Variants in LTBP2 observed in about 807,000 individuals in gnomAD.
LTBP2 encodes the protein latent transforming growth factor beta binding protein 2.
In LTBP2, 103 loss-of-function variants were observed where a neutral mutation model predicts 210.6. The observed-to-expected ratio is 0.49, with a 90% CI of 0.42 to 0.58. LTBP2 has a LOEUF of 0.58. Ranked by LOEUF, LTBP2 falls within the 20% of genes least tolerant of loss-of-function variation. The pLI is 0.00. For synonymous variants in LTBP2, 1,007 were observed against 1,015.0 expected (o/e 0.99, Z 0.15); for missense variants, 2,313 against 2,494.5 (o/e 0.93, Z 1.55).
chr14:74,565,157 T>C (rs1273562276), intron 3 of LTBP2, among the ~76,000 whole-genome samples: 5 of 152,206 alleles, frequency 3.3e-5, no homozygotes, highest in Non-Finnish European at 7.3e-5. Flanking sequence ...TTACAGGCCA[T>C]GCACTGACCC....
At chr14:74,536,451 GA>G (rs2087422961) in intron 8 of LTBP2, among the ~76,000 whole-genome samples, 1 of 152,200 alleles carries the variant, frequency 6.6e-6, no homozygotes, top group African/African-American at 2.4e-5. Flanking sequence ...AAATTGCTAA[GA>G]GAGTAGATTT....
chr14:74,519,354 C>T (rs936107542), intron 17 of LTBP2, among the ~76,000 whole-genome samples: 3 of 152,136 alleles, frequency 2.0e-5, no homozygotes, highest in African/African-American at 7.2e-5. Context: ...AAAGCAGCAA[C>T]CACCATTGGA....
intron 3 of LTBP2, among the ~76,000 whole-genome samples, chr14:74,565,990 G>A (rs954249509): frequency 6.6e-6 from 1 of 151,988 alleles, no homozygotes; most frequent in Non-Finnish European, 1.5e-5. Context: ...TAATATTAAC[G>A]GAAAAATGTG....
chr14:74,539,981 G>A (rs899587847), intron 8 of LTBP2, among the ~76,000 whole-genome samples: 8 of 152,154 alleles, frequency 5.3e-5, no homozygotes, highest in South Asian at 2.1e-4. Flanking sequence ...AGTGTGTTGC[G>A]TGGGCAATTC....
chr14:74,540,820 AT>A (rs1176431985), intron 8 of LTBP2, among the ~76,000 whole-genome samples: 2 of 19,518 alleles, frequency 1.0e-4, no homozygotes, highest in East Asian at 5.7e-4. Flanking sequence ...ATATATATAT[AT>A]TTTTATATAA....
intron 28 of LTBP2, among the ~76,000 whole-genome samples, chr14:74,505,401 G>A (rs909686787): frequency 6.6e-5 from 10 of 152,174 alleles, no homozygotes; most frequent in African/African-American, 2.2e-4. Context: ...ACTGCTGTGC[G>A]ATTAAGCTAT....
At chr14:74,592,228 G>A (rs1234581638) in intron 2 of LTBP2, among the ~76,000 whole-genome samples, 1 of 152,218 alleles carries the variant, frequency 6.6e-6, no homozygotes, top group African/African-American at 2.4e-5. Context: ...ATTGCTTAGA[G>A]CAAAGAAGGA....
chr14:74,513,749 G>A (rs1420093225), intron 18 of LTBP2, among the ~76,000 whole-genome samples: 5 of 152,216 alleles, frequency 3.3e-5, no homozygotes, highest in African/African-American at 9.6e-5. Context: ...AGGTTGCAGT[G>A]AGCCAAGATC....
chr14:74,567,440 C>T (rs949615342), intron 3 of LTBP2, among the ~76,000 whole-genome samples: 1 of 152,200 alleles, frequency 6.6e-6, no homozygotes, highest in Non-Finnish European at 1.5e-5. Flanking sequence ...ACTGGGCTCA[C>T]ACCCGGGCCA....
At position 74,499,614 on chromosome 14, in the gene LTBP2, A is replaced by G. The variant is rs768532960; in HGVS notation, c.*1270T>C. The G allele has an allele frequency of 3.1e-5, 7 of 227,692 alleles. No individual in the cohort carries two copies. Among genetic ancestry groups the G allele is most frequent in the African/African-American group, 8.9e-5 (4 of 44,992 alleles). The allele number at this position is 227,692 out of a possible 1,614,324, so 14.1% of individuals were successfully genotyped here. A position where few individuals can be genotyped will look rare whatever the true frequency, so the allele number is the denominator to read the frequency against. On this transcript the variant is annotated 3_prime_UTR_variant, in exon 36 of 36. Coordinates refer to ENST00000261978, the MANE Select transcript of LTBP2 (RefSeq NM_000428.3). ...AGAGCTTTCCTTGTCTTTTAATAGT[A>G]AAGAGTCATTTCCCATTGGAACCCA...
intron 8 of LTBP2, among the ~76,000 whole-genome samples, chr14:74,538,756 A>C (rs887204654): frequency 6.6e-6 from 1 of 152,256 alleles, no homozygotes; most frequent in Non-Finnish European, 1.5e-5. Context: ...ACTGAAGTTC[A>C]AAAATGTTTT....
chr14:74,539,125 G>C (rs191935345), intron 8 of LTBP2, among the ~76,000 whole-genome samples: 1 of 152,352 alleles, frequency 6.6e-6, no homozygotes, highest in Admixed American at 6.5e-5. Flanking sequence ...AGAATTGCAA[G>C]GCCATGGGTA....
chr14:74,528,731 A>T, intron 11 of LTBP2, 33 bp from the exon 12 acceptor site: 1 of 1,605,278 alleles, frequency 6.2e-7, no homozygotes, highest in Non-Finnish European at 8.5e-7. Context: ...ACAAACTGAG[A>T]GGTGCTGTTC....
At chr14:74,520,604 C>T (rs2087189589) in intron 17 of LTBP2, among the ~76,000 whole-genome samples, 1 of 152,152 alleles carries the variant, frequency 6.6e-6, no homozygotes, top group South Asian at 2.1e-4. Flanking sequence ...AGTTCGAGAC[C>T]AGCCTGGCCA....
chr14:74,547,036 C>T (rs569324498), intron 8 of LTBP2, among the ~76,000 whole-genome samples: 4 of 152,370 alleles, frequency 2.6e-5, no homozygotes, highest in African/African-American at 9.6e-5. Context: ...AGCAGCCAGC[C>T]CTGGCATGGA....
At position 74,506,189 on chromosome 14, in the gene LTBP2, C is replaced by T. The variant is rs1480809654; in HGVS notation, c.4036G>A (p.Val1346Met). 4.3e-6 allele frequency: 7 copies of T among 1,613,970 alleles called. No individual in the cohort carries two copies. The East Asian group carries it at 8.9e-5, about 21-fold the overall frequency. ...GCCAGCATAAGCTCACACTCGTTCA[C>T]ATCTGCCAGGTGTGAGAACAGGCTC... ...ISPSGWDCVD[V>M]NECELMLAVC... The change falls in exon 28 of 36, where the codon GTG (valine) becomes ATG (methionine). Residue 1346 changes from valine (V) to methionine (M), a missense_variant and splice_region_variant. By Grantham distance (21) the Val-to-Met change is conservative (BLOSUM62 1). Around this residue, in one of 3 missense-constraint regions of LTBP2, gnomAD observed 1,867 missense variants for 1,976.9 expected, o/e 0.94. Transcript: ENST00000261978.
At chr14:74,572,284 GGTGT>G (rs751715934) in intron 3 of LTBP2, among the ~76,000 whole-genome samples, 2 of 120,118 alleles carry the variant, frequency 1.7e-5, no homozygotes, top group South Asian at 2.4e-4. Flanking sequence ...GCAGAGGTGG[GGTGT>G]GTGTGTGTGT....
At chr14:74,610,490 G>A (rs549695339) in intron 1 of LTBP2, among the ~76,000 whole-genome samples, 1 of 152,288 alleles carries the variant, frequency 6.6e-6, no homozygotes, top group Non-Finnish European at 1.5e-5. Context: ...CTGGCAAATC[G>A]GGCCCAGGCA....
chr14:74,576,869 A>G (rs1477001804), intron 3 of LTBP2, among the ~76,000 whole-genome samples: 1 of 152,220 alleles, frequency 6.6e-6, no homozygotes, highest in Admixed American at 6.5e-5. Context: ...CTAAAAAGTA[A>G]TAACAAGCAT....
Sources: allele counts gnomAD v4.1 joint callset (sites outside exome capture counted in the v4.1 genomes callset), GRCh38; gene constraint gnomAD v4.1.1; regional missense constraint gnomAD v4.1.1; transcripts MANE v1.5; gene names NCBI Gene and HGNC (gene_info 2026-07-23, HGNC 2026-07-21).